Variants in BMP8A observed in about 807,000 individuals in gnomAD.
The protein encoded by BMP8A is bone morphogenetic protein 8a.
A neutral mutation model predicts 36.8 loss-of-function variants in BMP8A; 14 were observed. That is an observed-to-expected ratio of 0.38 (90% CI 0.25 to 0.60). The LOEUF (loss-of-function observed/expected upper bound fraction) is 0.60. BMP8A is among the 20% of genes least tolerant of loss of function. The probability of loss-of-function intolerance (pLI) is 0.63; values close to 1 mark genes in which losing one functional copy is unlikely to be tolerated. For synonymous variants in BMP8A, 120 were observed against 237.7 expected (o/e 0.50, Z 4.55); for missense variants, 267 against 551.1 (o/e 0.48, Z 5.16).
At chr1:39,525,605 G>T (rs768216781) in intron 6 of BMP8A, 44 bp from the exon 7 acceptor site, 4 of 1,606,956 alleles carry the variant, frequency 2.5e-6, no homozygotes, top group South Asian at 2.2e-5. Flanking sequence ...CCTCAGAGGA[G>T]GCCACTGGCC....
At chr1:39,495,413 T>C (rs1373339901) in intron 1 of BMP8A, among the ~76,000 whole-genome samples, 1 of 150,112 alleles carries the variant, frequency 6.7e-6, no homozygotes, top group African/African-American at 2.5e-5. Context: ...GCCTGGCCTG[T>C]CATCCATATC....
At chr1:39,499,298 G>A (rs1299139971) in intron 1 of BMP8A, among the ~76,000 whole-genome samples, 1 of 152,186 alleles carries the variant, frequency 6.6e-6, no homozygotes, top group African/African-American at 2.4e-5. Context: ...AGGCACAAGA[G>A]GCCCGAGGGA....
At chr1:39,492,639 G>T (rs1191487002) in intron 1 of BMP8A, among the ~76,000 whole-genome samples, 2 of 152,350 alleles carry the variant, frequency 1.3e-5, no homozygotes, top group Admixed American at 6.5e-5. Context: ...AAGACAGCCT[G>T]GTCCTGGGGA....
At position 39,527,030 on chromosome 1, in the gene BMP8A, A is replaced by T. The variant is rs186237370; in HGVS notation, c.*1232A>T. On this transcript the variant is annotated 3_prime_UTR_variant, in exon 7 of 7. Transcript: ENST00000331593. ...GCCCCACTGCAGAGCAATCCATTCCATCCAAAGCAGGGTGACTGGCAGTCT... is the reference window on the plus strand; with the variant it reads ...GCCCCACTGCAGAGCAATCCATTCCTTCCAAAGCAGGGTGACTGGCAGTCT... Among the ~76,000 whole-genome samples, 1 of 152,038 alleles carries T rather than the reference A, an allele frequency of 6.6e-6. No individual in the cohort carries two copies. Among genetic ancestry groups the T allele is most frequent in the Admixed American group, 6.6e-5 (1 of 15,266 alleles).
chr1:39,498,646 C>G (rs865946078), intron 1 of BMP8A, among the ~76,000 whole-genome samples: 2 of 152,146 alleles, frequency 1.3e-5, no homozygotes, highest in Admixed American at 6.5e-5. Flanking sequence ...CCCTTCAGGA[C>G]GCAGAACCAA....
chr1:39,522,915 G>A (rs1426828270), intron 5 of BMP8A, 92 bp from the exon 6 acceptor site: 5 of 1,237,390 alleles, frequency 4.0e-6, no homozygotes, highest in African/African-American at 3.0e-5. Context: ...CCTCTTGGGG[G>A]AGACGGCCCT....
intron 1 of BMP8A, among the ~76,000 whole-genome samples, chr1:39,510,222 A>G (rs1180327): frequency 0.99 from 105,798 of 106,904 alleles, 52,383 homozygotes; most frequent in Middle Eastern, 1. Context: ...CCCCAACATC[A>G]CTGACCTGTG....
rs1645466153 is a variant in BMP8A, at chr1:39,524,875, G to A, written c.1060-774G>A. The A allele has an allele frequency of 6.6e-6, 1 of 152,624 alleles. No individual in the cohort carries two copies. Among genetic ancestry groups the A allele is most frequent in the African/African-American group, 2.4e-5 (1 of 41,460 alleles). The allele number at this position is 152,624 out of a possible 1,614,324, so 9.5% of individuals were successfully genotyped here. ...CAGCTCGACTGGGCAGGTGGTCCGAGGCAGCACGGAGGTGGAGGTTGAGCC... is the reference window on the plus strand; with the variant it reads ...CAGCTCGACTGGGCAGGTGGTCCGAAGCAGCACGGAGGTGGAGGTTGAGCC... On this transcript the variant is annotated intron_variant, in intron 6 of 6. Transcript: ENST00000331593. This position sits in a 1 kb window ranked among gnomAD's most constrained non-coding sequence, Gnocchi z 4.0.
rs775399501 is a variant in BMP8A, at chr1:39,528,545, C to T, written c.*2747C>T. On this transcript the variant is annotated 3_prime_UTR_variant, in exon 7 of 7. Coordinates refer to ENST00000331593, the MANE Select transcript of BMP8A (RefSeq NM_181809.4). ...TGCAGCACAGTGCTGGCCCTAATGC[C>T]AGGTGAGCGTGCAAAGTCCTGTTTC... 3.2e-4 allele frequency among the ~76,000 whole-genome samples: 49 copies of T among 152,208 alleles called. No individual in the cohort carries two copies. The highest frequency in any genetic ancestry group is 1.0e-4 in the Non-Finnish European group (7 of 68,034).
rs767524107 is a variant in BMP8A, at chr1:39,525,951, C to T, written c.*153C>T. 1.7e-5 allele frequency: 22 copies of T among 1,333,032 alleles called. No individual in the cohort carries two copies. Among genetic ancestry groups the T allele is most frequent in the Middle Eastern group, 2.2e-4 (1 of 4,482 alleles). The allele number at this position is 1,333,032 out of a possible 1,614,324, so 82.6% of individuals were successfully genotyped here. A position where few individuals can be genotyped will look rare whatever the true frequency, so the allele number is the denominator to read the frequency against. On this transcript the variant is annotated 3_prime_UTR_variant, in exon 7 of 7. Transcript: ENST00000331593. The stretch of plus-strand genomic sequence containing the variant: ...TCCTGTCAGGCTTCTGGTCCTTTCT[C>T]GGTACCTCTGTGCCCCTCCCCTGGG...
At chr1:39,522,813 G>A (rs1325576111) in intron 5 of BMP8A, among the ~76,000 whole-genome samples, 194 bp from the exon 6 acceptor site, 2 of 147,834 alleles carry the variant, frequency 1.4e-5, no homozygotes, top group Admixed American at 6.6e-5. Flanking sequence ...GGGGAGGGCC[G>A]GCTGGGGAGG....
rs1463259154 is a variant in BMP8A, at chr1:39,527,494, C to T, written c.*1696C>T. Among the ~76,000 whole-genome samples the T allele has an allele frequency of 1.3e-5, 2 of 152,218 alleles. No individual in the cohort carries two copies. Among genetic ancestry groups the T allele is most frequent in the Non-Finnish European group, 2.9e-5 (2 of 68,032 alleles). The stretch of plus-strand genomic sequence containing the variant: ...CAAGGATGCGCCTCTCTGGAGTTCA[C>T]GTGCTGCACCCCCAGGGAGGGGCCT... On this transcript the variant is annotated 3_prime_UTR_variant, in exon 7 of 7. Transcript: ENST00000331593.
chr1:39,497,033 T>C (rs1003659696), intron 1 of BMP8A, among the ~76,000 whole-genome samples: 7 of 152,228 alleles, frequency 4.6e-5, no homozygotes, highest in African/African-American at 1.7e-4. Flanking sequence ...AATGGAATCT[T>C]ACAGTGCATA....
intron 1 of BMP8A, among the ~76,000 whole-genome samples, chr1:39,500,646 AAG>A (rs1491287109): frequency 2.0e-5 from 3 of 151,858 alleles, no homozygotes; most frequent in African/African-American, 7.3e-5. Context: ...AAAAAAAAAA[AAG>A]AGGTTTATTT....
chr1:39,523,526 GCA>G lies in BMP8A; in HGVS notation c.1059+412_1059+413del, dbSNP rs1230733851. 116 of 1,370,926 alleles carry G rather than the reference GCA, an allele frequency of 8.5e-5. 1 individual carries two copies. The South Asian group carries it at 1.2e-3, about 15-fold the overall frequency. 84.9% of individuals were successfully genotyped at this position (1,370,926 alleles called of 1,614,324 possible). ...AAGTCTGACCGCCTGTGATATGTGC[GCA>G]CAGTGTGTGGGGTGTGCGTGTGCAC... On this transcript the variant is annotated intron_variant, in intron 6 of 6. Coordinates refer to ENST00000331593, the MANE Select transcript of BMP8A (RefSeq NM_181809.4).
chr1:39,529,599 G>A lies in BMP8A; in HGVS notation c.*3801G>A, dbSNP rs1019872023. On this transcript the variant is annotated 3_prime_UTR_variant, in exon 7 of 7. Transcript: ENST00000331593. ...CTTTTTAAAAAAAATTTTTTCTCAC[G>A]TAAGAAAATGTTATCTGTGTGCTGG... Among the ~76,000 whole-genome samples the A allele has an allele frequency of 3.9e-5, 6 of 152,166 alleles. No individual in the cohort carries two copies. The highest frequency in any genetic ancestry group is 9.7e-5 in the African/African-American group (4 of 41,438).
At chr1:39,508,755 C>G (rs1349502063) in intron 1 of BMP8A, among the ~76,000 whole-genome samples, 1 of 152,174 alleles carries the variant, frequency 6.6e-6, no homozygotes, top group African/African-American at 2.4e-5. Context: ...CTCCCTTTGC[C>G]CAGTCACAGT....
At chr1:39,523,600 G>A in intron 6 of BMP8A, 1 of 1,427,328 alleles carries the variant, frequency 7.0e-7, no homozygotes, top group Non-Finnish European at 9.2e-7. Context: ...TAGATGGTGT[G>A]GCTCTCAACC....
chr1:39,514,340 CG>C (rs1206159706), intron 3 of BMP8A, among the ~76,000 whole-genome samples: 4 of 116,226 alleles, frequency 3.4e-5, no homozygotes, highest in Non-Finnish European at 5.3e-5. Context: ...GTGGAGAGGG[CG>C]GGGGGATGCA....
Sources: allele counts gnomAD v4.1 joint callset (sites outside exome capture counted in the v4.1 genomes callset), GRCh38; gene constraint gnomAD v4.1.1; non-coding constraint Gnocchi (gnomAD v3.1); transcripts MANE v1.5; gene names NCBI Gene and HGNC (gene_info 2026-07-23, HGNC 2026-07-21).